The following ADAMTS9 variants were observed in gnomAD, a reference collection of about 807,000 sequenced individuals.
The protein encoded by ADAMTS9 is ADAM metallopeptidase with thrombospondin type 1 motif 9.
A neutral mutation model predicts 257.1 loss-of-function variants in ADAMTS9; 107 were observed. The ratio of observed to expected loss-of-function variants is 0.42; its 90% CI spans 0.36 to 0.49. The LOEUF (loss-of-function observed/expected upper bound fraction) is 0.49. ADAMTS9 is among the 20% of genes least tolerant of loss of function. ADAMTS9 has a pLI of 0.03. For synonymous variants in ADAMTS9, 982 were observed against 880.9 expected, an observed-to-expected ratio of 1.11 and a Z score of -2.03; for missense variants, 2,353 against 2,469.1, an observed-to-expected ratio of 0.95 and a Z score of 1.00.
chr3:64,601,250 T>C (rs913889173), intron 26 of ADAMTS9, among the ~76,000 whole-genome samples: 1 of 152,228 alleles, frequency 6.6e-6, no homozygotes, highest in African/African-American at 2.4e-5. Context: ...CATCATCTTA[T>C]TTAATTCTTA....
intron 16 of ADAMTS9, among the ~76,000 whole-genome samples, chr3:64,628,259 A>AG (rs1382169942): frequency 6.6e-6 from 1 of 152,224 alleles, no homozygotes; most frequent in Non-Finnish European, 1.5e-5. Flanking sequence ...AAAGGTTATC[A>AG]GGAGGCCCTC....
intron 30 of ADAMTS9, among the ~76,000 whole-genome samples, chr3:64,557,260 G>A (rs1040531816): frequency 6.6e-6 from 1 of 152,110 alleles, no homozygotes; most frequent in Non-Finnish European, 1.5e-5. Flanking sequence ...ACACATGCAG[G>A]ACCTGTGAGA....
chr3:64,606,137 A>G (rs1298025888), intron 23 of ADAMTS9, among the ~76,000 whole-genome samples: 1 of 152,248 alleles, frequency 6.6e-6, no homozygotes, highest in Non-Finnish European at 1.5e-5. Flanking sequence ...TTGCTGAATC[A>G]GATACCTTTC....
At chr3:64,619,547 AATAATAT>A (rs1700054102) in intron 19 of ADAMTS9, among the ~76,000 whole-genome samples, 1 of 152,202 alleles carries the variant, frequency 6.6e-6, no homozygotes, top group South Asian at 2.1e-4. Flanking sequence ...TGGTAAGAAT[AATAATAT>A]ATAAATCATA....
intron 28 of ADAMTS9, 31 bp downstream of exon 28, chr3:64,594,227 G>T (rs1297444937): frequency 2.5e-6 from 4 of 1,590,580 alleles, no homozygotes; most frequent in Admixed American, 1.7e-5. Flanking sequence ...TAGATAGTTT[G>T]GTTAACAAAC....
At chr3:64,566,767 A>G (rs1323868647) in intron 29 of ADAMTS9, among the ~76,000 whole-genome samples, 3 of 152,198 alleles carry the variant, frequency 2.0e-5, no homozygotes, top group African/African-American at 4.8e-5. Context: ...TAAAAAAAAA[A>G]GTAACAGATC....
Position 64,687,505 on chromosome 3 carries a change from CG to C in ADAMTS9, c.115+37del. ...AGGAGCGAGGACCGGGAGGCGGCGT[CG>C]GGGCCGGCGGGGTCCCGGGGGCCGG... is the stretch of plus-strand genomic sequence containing the variant. On this transcript the variant is annotated intron_variant, in intron 1 of 39. Coordinates refer to ENST00000498707, the MANE Select transcript of ADAMTS9 (RefSeq NM_182920.2). This position sits in a 1 kb window ranked among gnomAD's most constrained non-coding sequence, Gnocchi z 4.4. The C allele has an allele frequency of 1.4e-6, 2 of 1,474,024 alleles. No individual in the cohort carries two copies. Among genetic ancestry groups the C allele is most frequent in the East Asian group, 2.6e-5 (1 of 38,468 alleles). The allele number at this position is 1,474,024 out of a possible 1,614,324, so 91.3% of individuals were successfully genotyped here. A position where few individuals can be genotyped will look rare whatever the true frequency, so the allele number is the denominator to read the frequency against.
At chr3:64,618,777 G>C (rs1222590487) in intron 19 of ADAMTS9, among the ~76,000 whole-genome samples, 1 of 152,054 alleles carries the variant, frequency 6.6e-6, no homozygotes, top group Non-Finnish European at 1.5e-5. Context: ...TAAGCATCAT[G>C]TAACTCCACG....
At chr3:64,602,479 T>C (rs993285252) in intron 25 of ADAMTS9, among the ~76,000 whole-genome samples, 1 of 152,154 alleles carries the variant, frequency 6.6e-6, no homozygotes, top group Non-Finnish European at 1.5e-5. Flanking sequence ...TCCAACTCAT[T>C]TGAATAATAC....
chr3:64,664,866 TAC>T (rs1559818513), intron 3 of ADAMTS9, among the ~76,000 whole-genome samples: 1 of 152,104 alleles, frequency 6.6e-6, no homozygotes, highest in East Asian at 1.9e-4. Context: ...CCAAAGTGGT[TAC>T]ACCATTTTCT....
At chr3:64,628,310 T>A (rs937164944) in intron 16 of ADAMTS9, among the ~76,000 whole-genome samples, 4 of 152,168 alleles carry the variant, frequency 2.6e-5, no homozygotes, top group African/African-American at 9.7e-5. Flanking sequence ...TAAGTTGACT[T>A]GAATTGAGGC....
intron 27 of ADAMTS9, among the ~76,000 whole-genome samples, chr3:64,596,565 C>T (rs192324865): frequency 3.9e-5 from 6 of 152,258 alleles, no homozygotes; most frequent in Non-Finnish European, 8.8e-5. Flanking sequence ...ATTTTTTAAT[C>T]ATCAGAGGTG....
chr3:64,538,181 T>C (rs2083073346), intron 37 of ADAMTS9, among the ~76,000 whole-genome samples: 1 of 152,194 alleles, frequency 6.6e-6, no homozygotes. Context: ...CTCATGGATA[T>C]TCGTTAACCT....
intron 15 of ADAMTS9, 106 bp downstream of exon 15, chr3:64,631,702 A>G: frequency 8.2e-7 from 1 of 1,220,846 alleles, no homozygotes; most frequent in Non-Finnish European, 1.2e-6. Context: ...CCATAACGAG[A>G]CTGATTTTTA....
intron 26 of ADAMTS9, among the ~76,000 whole-genome samples, chr3:64,600,454 G>A (rs1008523896): frequency 9.8e-5 from 15 of 152,334 alleles, no homozygotes; most frequent in African/African-American, 3.6e-4. Flanking sequence ...CTAATTGGGA[G>A]CTCTGCCCAA....
chr3:64,629,366 T>C (rs1235883046), intron 16 of ADAMTS9, among the ~76,000 whole-genome samples: 2 of 152,202 alleles, frequency 1.3e-5, no homozygotes, highest in African/African-American at 4.8e-5. Flanking sequence ...GCCAAAGTTC[T>C]TAAAATGGTT....
Position 64,615,370 on chromosome 3 carries a change from C to T in ADAMTS9, c.3140G>A (p.Arg1047Lys). 3 of 1,614,030 alleles carry T rather than the reference C, an allele frequency of 1.9e-6. No homozygotes were observed. Among genetic ancestry groups the T allele is most frequent in the East Asian group, 2.2e-5 (1 of 44,866 alleles). ...CTHQEKVTIQRCSEFPCPQWK... is the reference protein window; with the variant it reads ...CTHQEKVTIQKCSEFPCPQWK... ...CTGTGGACAAGGGAACTCACTGCACCTCTGAATGGTAACTTTCTCTTGATG... is the reference window on the plus strand; with the variant it reads ...CTGTGGACAAGGGAACTCACTGCACTTCTGAATGGTAACTTTCTCTTGATG... The change falls in exon 21 of 40, where the codon AGG becomes AAG. Residue 1047 changes from arginine to lysine, a missense_variant. Around this residue, in one of 3 missense-constraint regions of ADAMTS9, gnomAD observed 1,402 missense variants for 1,441.4 expected, o/e 0.97. Coordinates refer to ENST00000498707, the MANE Select transcript of ADAMTS9 (RefSeq NM_182920.2).
intron 37 of ADAMTS9, among the ~76,000 whole-genome samples, chr3:64,537,697 C>T (rs1271663148): frequency 6.6e-6 from 1 of 152,134 alleles, no homozygotes; most frequent in Non-Finnish European, 1.5e-5. Context: ...GTCACAGAAT[C>T]CCAGTCTTCA....
chr3:64,612,617 A>G (rs2084687332), intron 22 of ADAMTS9, among the ~76,000 whole-genome samples: 1 of 152,178 alleles, frequency 6.6e-6, no homozygotes, highest in South Asian at 2.1e-4. Flanking sequence ...TCATTCTTCA[A>G]GAGATTACGC....
Sources: gnomAD v4.1 joint callset for allele counts (sites outside exome capture counted in the v4.1 genomes callset) on GRCh38, gnomAD v4.1.1 for gene constraint, gnomAD v4.1.1 regional missense constraint, Gnocchi (gnomAD v3.1) non-coding constraint, MANE v1.5 for transcripts, NCBI Gene and HGNC (gene_info 2026-07-23, HGNC 2026-07-21) for gene names.